The following EAF1 variants were observed in gnomAD, a reference collection of about 807,000 sequenced individuals.
EAF1 encodes ELL-associated factor 1.
EAF1 carries 19 observed loss-of-function variants against 26.6 expected under a neutral mutation model. The ratio of observed to expected loss-of-function variants is 0.71; its 90% CI spans 0.50 to 1.05. EAF1 has a LOEUF of 1.05. Among genes scored for constraint, EAF1 ranks in the 50% least tolerant of loss-of-function variants. The probability of loss-of-function intolerance (pLI) is 0.00; values close to 1 mark genes in which losing one functional copy is unlikely to be tolerated. For synonymous variants in EAF1, 102 were observed against 120.6 expected, an observed-to-expected ratio of 0.85 and a Z score of 1.01; for missense variants, 260 against 335.5, an observed-to-expected ratio of 0.78 and a Z score of 1.76.
At chr3:15,435,074 A>C (rs1168223697) in intron 4 of EAF1, among the ~76,000 whole-genome samples, 2 of 152,136 alleles carry the variant, frequency 1.3e-5, no homozygotes, top group African/African-American at 4.8e-5. Flanking sequence ...GGGCAATAAC[A>C]TCTCTTTTTT....
intron 4 of EAF1, among the ~76,000 whole-genome samples, chr3:15,435,384 A>G (rs1283794440): frequency 1.3e-5 from 2 of 152,226 alleles, no homozygotes; most frequent in African/African-American, 4.8e-5. Flanking sequence ...ATAGTAGGGA[A>G]ACATAAAGAG....
Position 15,427,718 on chromosome 3 carries a change from G to A in EAF1, c.-62G>A. ...ACAGTCCTCCCAGACGCCAGCGCCAGAAGCTCGGATCGCGGCTGCACCGGG... is the reference window on the plus strand; with the variant it reads ...ACAGTCCTCCCAGACGCCAGCGCCAAAAGCTCGGATCGCGGCTGCACCGGG... On this transcript the variant is annotated 5_prime_UTR_variant, in exon 1 of 6. Transcript: ENST00000396842. 6.6e-7 allele frequency: 1 copy of A among 1,511,046 alleles called. No homozygotes were observed. Among genetic ancestry groups the A allele is most frequent in the Non-Finnish European group, 9.0e-7 (1 of 1,112,752 alleles). 93.6% of individuals were successfully genotyped at this position (1,511,046 alleles called of 1,614,324 possible).
At chr3:15,428,520 T>TGG (rs1182277622) in intron 1 of EAF1, among the ~76,000 whole-genome samples, 1 of 152,178 alleles carries the variant, frequency 6.6e-6, no homozygotes, top group Non-Finnish European at 1.5e-5. Context: ...ACCCGGGCTT[T>TGG]TCCTCCAGAC....
rs1157553972 is a variant in EAF1, at chr3:15,432,204, A to G, written c.316A>G (p.Ile106Val). The change falls in exon 3 of 6, where the codon ATT (isoleucine) becomes GTT (valine). Residue 106 changes from isoleucine (I) to valine (V), a missense_variant. Coordinates refer to ENST00000396842, the MANE Select transcript of EAF1 (RefSeq NM_033083.7). ...EYVLEKLSSS[I>V]QVKKTRAEGS... is the part of the protein sequence containing the mutation. ...TGTGCTGGAAAAACTCAGTAGCAGCATTCAGGTGAAGAAAACAAGGTATGT... is the reference window on the plus strand; with the variant it reads ...TGTGCTGGAAAAACTCAGTAGCAGCGTTCAGGTGAAGAAAACAAGGTATGT... 1.2e-6 allele frequency: 2 copies of G among 1,614,044 alleles called. No individual in the cohort carries two copies. The highest frequency in any genetic ancestry group is 1.3e-5 in the African/African-American group (1 of 74,942).
Position 15,427,897 on chromosome 3 carries a change from C to G in EAF1, c.103+15C>G. 2 of 1,526,576 alleles carry G rather than the reference C, an allele frequency of 1.3e-6. No individual in the cohort carries two copies. Among genetic ancestry groups the G allele is most frequent in the Non-Finnish European group, 1.8e-6 (2 of 1,131,142 alleles). 94.6% of individuals were successfully genotyped at this position (1,526,576 alleles called of 1,614,324 possible). ...CACTATTCGTTGTAAGTCAGCGCTC[C>G]CCACGGTTCCCTTCGGCCGCTCCAG... On this transcript the variant is annotated intron_variant, in intron 1 of 5. Coordinates refer to ENST00000396842, the MANE Select transcript of EAF1 (RefSeq NM_033083.7).
At position 15,441,223 on chromosome 3, in the gene EAF1, T is replaced by C. The variant is rs2061867716; in HGVS notation, c.*2068T>C. 1 of 153,826 alleles carries C rather than the reference T, an allele frequency of 6.5e-6. No homozygotes were observed. The highest frequency in any genetic ancestry group is 2.4e-5 in the African/African-American group (1 of 41,412). The allele number at this position is 153,826 out of a possible 1,614,324, so 9.5% of individuals were successfully genotyped here. On this transcript the variant is annotated 3_prime_UTR_variant, in exon 6 of 6. Transcript: ENST00000396842. ...AATTTTGTTCTCTGCACAAAGCCTTTGGTGGTTCTGCCCTCTGCCCTCCAG... is the reference window on the plus strand; with the variant it reads ...AATTTTGTTCTCTGCACAAAGCCTTCGGTGGTTCTGCCCTCTGCCCTCCAG...
rs1410389202 is a variant in EAF1 at position 15,441,027 on chromosome 3, T to A, written c.*1872T>A. The stretch of plus-strand genomic sequence containing the variant: ...CTCCCCAACTTTTTTCTGAAAGCCT[T>A]GATTTCTGTAGACAGAACTATGGTT... On this transcript the variant is annotated 3_prime_UTR_variant, in exon 6 of 6. Transcript: ENST00000396842. 1.3e-5 allele frequency: 2 copies of A among 152,584 alleles called. No individual in the cohort carries two copies. The highest frequency in any genetic ancestry group is 4.8e-5 in the African/African-American group (2 of 41,438). 9.5% of individuals were successfully genotyped at this position (152,584 alleles called of 1,614,324 possible).
chr3:15,432,873 ATACAG>A (rs199934760), intron 3 of EAF1, among the ~76,000 whole-genome samples: 2,203 of 152,010 alleles, frequency 0.014, 17 homozygotes, highest in Middle Eastern at 0.031. Context: ...CTCACTTATA[ATACAG>A]TAATTATTAT....
chr3:15,432,805 A>T (rs1038412088), intron 3 of EAF1, among the ~76,000 whole-genome samples: 2 of 149,756 alleles, frequency 1.3e-5, no homozygotes, highest in African/African-American at 2.5e-5. Context: ...TTTTTTTTTT[A>T]AAGAGTCGAG....
chr3:15,435,027 A>G (rs994031096), intron 4 of EAF1, among the ~76,000 whole-genome samples: 19 of 152,210 alleles, frequency 1.2e-4, no homozygotes, highest in African/African-American at 4.1e-4. Context: ...ACAGTGTGCT[A>G]TGATCGTGCC....
rs77636884 is a variant in EAF1 at position 15,427,860 on chromosome 3, G to T, written c.81G>T (p.Arg27=). 0.013 allele frequency: 20,123 copies of T among 1,550,354 alleles called. 379 individuals carry two copies. Among genetic ancestry groups the T allele is most frequent in the African/African-American group, 0.086 (6,287 of 73,018 alleles). Residue 27 remains arginine, a synonymous_variant, in exon 1 of 6, where the codon CGG becomes CGT. Transcript: ENST00000396842. ...RLGESFEKRP[R]ASFHTIRYDF... is the part of the protein sequence containing the mutation. ...GGGAGAGCTTCGAGAAGCGGCCGCGGGCCTCCTTCCACACTATTCGTTGTA... is the reference window on the plus strand; with the variant it reads ...GGGAGAGCTTCGAGAAGCGGCCGCGTGCCTCCTTCCACACTATTCGTTGTA...
chr3:15,432,317 A>G (rs2061806759), intron 3 of EAF1, 94 bp downstream of exon 3: 3 of 1,494,852 alleles, frequency 2.0e-6, no homozygotes, highest in South Asian at 1.3e-5. Flanking sequence ...GCTTGCTCAT[A>G]GTGTTCTATC....
Position 15,427,894 on chromosome 3 carries a change from C to A in EAF1, c.103+12C>A. 1 of 1,535,064 alleles carries A rather than the reference C, an allele frequency of 6.5e-7. No homozygotes were observed. Among genetic ancestry groups the A allele is most frequent in the Non-Finnish European group, 8.8e-7 (1 of 1,136,736 alleles). On this transcript the variant is annotated intron_variant, in intron 1 of 5. Transcript: ENST00000396842. ...CCACACTATTCGTTGTAAGTCAGCG[C>A]TCCCCACGGTTCCCTTCGGCCGCTC...
intron 3 of EAF1, among the ~76,000 whole-genome samples, chr3:15,433,370 G>A (rs1470664479): frequency 6.6e-6 from 1 of 151,968 alleles, no homozygotes; most frequent in South Asian, 2.1e-4. Flanking sequence ...AGTGAACCAG[G>A]TGCTACCGAT....
At chr3:15,438,932 C>G (rs1369056463) in intron 5 of EAF1, 177 bp from the exon 6 acceptor site, 1 of 609,582 alleles carries the variant, frequency 1.6e-6, no homozygotes, top group Non-Finnish European at 2.9e-6. Flanking sequence ...TGTAGATAAC[C>G]AAAAGCACCA....
intron 1 of EAF1, among the ~76,000 whole-genome samples, chr3:15,429,089 G>A (rs997775290): frequency 6.6e-6 from 1 of 152,208 alleles, no homozygotes; most frequent in Admixed American, 6.5e-5. Context: ...AGGTGTGAAT[G>A]TGAATTAAGA....
Position 15,439,740 on chromosome 3 carries a change from T to C in EAF1, c.*585T>C, listed in dbSNP as rs2061855199. 6.6e-6 allele frequency: 1 copy of C among 152,114 alleles called. No homozygotes were observed. The highest frequency in any genetic ancestry group is 2.1e-4 in the South Asian group (1 of 4,818). The allele number at this position is 152,114 out of a possible 1,614,324, so 9.4% of individuals were successfully genotyped here. On this transcript the variant is annotated 3_prime_UTR_variant, in exon 6 of 6. Transcript: ENST00000396842. ...GTGTCAGTTGGTGAGGACCATGGAG[T>C]CCTGCCAGCTCAACCTGTCATTTAC...
Position 15,434,489 on chromosome 3 carries a change from C to G in EAF1, c.477C>G (p.Pro159=). 1 of 1,614,220 alleles carries G rather than the reference C, an allele frequency of 6.2e-7. No homozygotes were observed. Among genetic ancestry groups the G allele is most frequent in the Non-Finnish European group, 8.5e-7 (1 of 1,180,030 alleles). The part of the protein sequence containing the change: ...TKPPVGPKTS[P]LKDNPSPEPQ... ...CTCCAGTTGGACCCAAAACTTCTCC[C>G]TTGAAAGATAACCCCTCACCTGAAC... Residue 159 remains proline, a synonymous_variant, in exon 4 of 6, where the codon CCC becomes CCG. Transcript: ENST00000396842.
In EAF1 at chr3:15,434,788, C is replaced by T. The variant is rs9879436; in HGVS notation, c.526+250C>T. ...TCTTTGTAGCCATTCTGCTTAGAGG[C>T]CTAGGATTTAAACAAGCATGACTTC... On this transcript the variant is annotated intron_variant, in intron 4 of 5. Coordinates refer to ENST00000396842, the MANE Select transcript of EAF1 (RefSeq NM_033083.7). Among the ~76,000 whole-genome samples the T allele has an allele frequency of 6.2e-3, 943 of 152,262 alleles. 14 individuals are homozygous for T. Among genetic ancestry groups the T allele is most frequent in the African/African-American group, 0.021 (889 of 41,538 alleles).
Sources: gnomAD v4.1 joint callset for allele counts (sites outside exome capture counted in the v4.1 genomes callset) on GRCh38, gnomAD v4.1.1 for gene constraint, MANE v1.5 for transcripts, NCBI Gene and HGNC (gene_info 2026-07-23, HGNC 2026-07-21) for gene names.